Variants in PRAMEF15 observed in about 807,000 individuals in gnomAD.
PRAMEF15 encodes the protein PRAME family member 15.
Under a neutral mutation model 35.3 loss-of-function variants are expected in PRAMEF15, and 21 were observed. The ratio of observed to expected loss-of-function variants is 0.59; its 90% CI spans 0.42 to 0.86. The LOEUF (loss-of-function observed/expected upper bound fraction) is 0.86. Among genes scored for constraint, PRAMEF15 ranks in the 40% least tolerant of loss-of-function variants. The pLI, the probability that PRAMEF15 is intolerant of heterozygous loss-of-function variation, is 0.00. For missense variants in PRAMEF15, 360 were observed against 574.1 expected (o/e 0.63, Z 3.81); for synonymous variants, 122 against 223.3 (o/e 0.55, Z 4.05).
At chr1:13,316,781 T>C (rs1340674547) in intron 1 of PRAMEF15, among the ~76,000 whole-genome samples, 1 of 151,824 alleles carries the variant, frequency 6.6e-6, no homozygotes, top group African/African-American at 2.4e-5. Flanking sequence ...TTTTGATAAA[T>C]TTGATGTGGC....
At chr1:13,317,519 G>T (rs1640021992) in intron 1 of PRAMEF15, among the ~76,000 whole-genome samples, 1 of 151,996 alleles carries the variant, frequency 6.6e-6, no homozygotes, top group South Asian at 2.1e-4. Context: ...TATAATCCCA[G>T]TATGTTGGGA....
intron 3 of PRAMEF15, among the ~76,000 whole-genome samples, chr1:13,320,436 T>A (rs1247664030): frequency 6.6e-6 from 1 of 152,066 alleles, no homozygotes; most frequent in African/African-American, 2.4e-5. Context: ...TAACTTTTTT[T>A]TTCTGAGATG....
Position 13,322,057 on chromosome 1 carries a change from A to T in PRAMEF15, c.1230A>T (p.Leu410Phe), listed in dbSNP as rs1478120530. 1.6e-5 allele frequency: 25 copies of T among 1,609,908 alleles called. No individual in the cohort carries two copies. The highest frequency in any genetic ancestry group is 2.0e-5 in the Non-Finnish European group (24 of 1,179,108). ...GCCACACAATCATACTCAAAAACTT[A>T]TGTGTGGAGCTGTATCCTGCCCCCC... The part of the protein sequence containing the change: ...LLSHTIILKN[L>F]CVELYPAPRE... The change falls in exon 4 of 4, where the codon TTA becomes TTT. Residue 410 changes from leucine (L) to phenylalanine (F), a missense_variant. Coordinates refer to ENST00000376152, the MANE Select transcript of PRAMEF15 (RefSeq NM_001098376.3).
Position 13,317,067 on chromosome 1 carries a change from C to A in PRAMEF15, c.-16-1325C>A, listed in dbSNP as rs1553167168. ...CTGGGTAGAGATTAAGAAGTCTAGT[C>A]AAATGTAGCTCTCTCTGTCTCTCAG... is the stretch of plus-strand genomic sequence containing the variant. On this transcript the variant is annotated intron_variant, in intron 1 of 3. Transcript: ENST00000376152. Among the ~76,000 whole-genome samples, 435 of 149,526 alleles carry A rather than the reference C, an allele frequency of 2.9e-3. 1 individual carries two copies. Among genetic ancestry groups the A allele is most frequent in the African/African-American group, 0.01 (406 of 40,026 alleles).
chr1:13,322,128 C>T lies in PRAMEF15; in HGVS notation c.1301C>T (p.Ala434Val). Residue 434 changes from alanine (A) to valine (V), a missense_variant, in exon 4 of 4, where the codon GCT (alanine) becomes GTT (valine). Ala to Val is a moderately conservative substitution (Grantham distance 64). This residue lies in a region of PRAMEF15 where 147 missense variants were observed against 123.5 expected (regional missense o/e 1.19). Coordinates refer to ENST00000376152, the MANE Select transcript of PRAMEF15 (RefSeq NM_001098376.3). The part of the protein sequence containing the change: ...ADGTLCWSRF[A>V]QIRAELMNRV... ...GGTACTCTCTGCTGGAGCAGATTTG[C>T]TCAAATTAGGGCTGAGCTGATGAAC... 8 of 1,609,574 alleles carry T rather than the reference C, an allele frequency of 5.0e-6. No homozygotes were observed. Among genetic ancestry groups the T allele is most frequent in the Non-Finnish European group, 6.8e-6 (8 of 1,179,088 alleles).
rs1383955330 is a variant in PRAMEF15, at chr1:13,319,236, C to T, written c.294-136C>T. 6 of 1,469,992 alleles carry T rather than the reference C, an allele frequency of 4.1e-6. No homozygotes were observed. In the African/African-American group the frequency reaches 5.6e-5, roughly 14 times the overall value. The allele number at this position is 1,469,992 out of a possible 1,614,324, so 91.1% of individuals were successfully genotyped here. ...AAACAATGTGGAAGTGGGCAGGATC[C>T]AAGGGGAAAACAGAGTGAAGAAAAG... On this transcript the variant is annotated intron_variant, in intron 2 of 3. Transcript: ENST00000376152.
chr1:13,317,616 A>T (rs1640023184), intron 1 of PRAMEF15, among the ~76,000 whole-genome samples: 1 of 151,844 alleles, frequency 6.6e-6, no homozygotes, highest in African/African-American at 2.4e-5. Flanking sequence ...CAAAAAGTCA[A>T]AAAATAGAAG....
chr1:13,321,562 C>T lies in PRAMEF15; in HGVS notation c.876-141C>T, dbSNP rs1391057904. 5 of 1,431,382 alleles carry T rather than the reference C, an allele frequency of 3.5e-6. No homozygotes were observed. The African/African-American group carries it at 4.2e-5, about 12-fold the overall frequency. 88.7% of individuals were successfully genotyped at this position (1,431,382 alleles called of 1,614,324 possible). A position where few individuals can be genotyped will look rare whatever the true frequency, so the allele number is the denominator to read the frequency against. ...GCAAAGCTCTTCATCACGCATCATC[C>T]TAAGTGTTGACCATCAGGCCATCAG... On this transcript the variant is annotated intron_variant, in intron 3 of 3. Transcript: ENST00000376152.
intron 1 of PRAMEF15, among the ~76,000 whole-genome samples, chr1:13,318,093 C>A (rs1640030058): frequency 1.3e-5 from 2 of 151,866 alleles, no homozygotes; most frequent in Admixed American, 1.3e-4. Context: ...AGTAATTTCC[C>A]CCAATGGTAG....
intron 1 of PRAMEF15, among the ~76,000 whole-genome samples, chr1:13,316,760 A>C (rs2100314063): frequency 1.3e-5 from 2 of 151,888 alleles, no homozygotes; most frequent in East Asian, 3.9e-4. Flanking sequence ...AACTGTTTTA[A>C]CTCTGAAATA....
chr1:13,321,951 C>A lies in PRAMEF15; in HGVS notation c.1124C>A (p.Ala375Asp). 5 of 1,611,010 alleles carry A rather than the reference C, an allele frequency of 3.1e-6. No homozygotes were observed. The highest frequency in any genetic ancestry group is 1.1e-5 in the South Asian group (1 of 90,876). ...TCCCAAGTCAACGCCATCCTGCCTG[C>A]CCTGAGCCGCTGCTTTGAGCTCAAC... ...IDSQVNAILPALSRCFELNTF... is the reference protein window; with the variant it reads ...IDSQVNAILPDLSRCFELNTF... Residue 375 changes from alanine (A) to aspartate (D), a missense_variant, in exon 4 of 4, where the codon GCC becomes GAC. Physicochemically the swap from Ala to Asp is moderately radical, Grantham distance 126. Transcript: ENST00000376152.
intron 1 of PRAMEF15, among the ~76,000 whole-genome samples, chr1:13,318,120 G>C (rs1180776531): frequency 1.3e-5 from 2 of 151,956 alleles, no homozygotes; most frequent in African/African-American, 4.8e-5. Context: ...TTCACTTTCA[G>C]GTTCCTCCAT....
At position 13,318,389 on chromosome 1, in the gene PRAMEF15, A is replaced by C; in HGVS notation, c.-16-3A>C. On this transcript the variant is annotated splice_region_variant and splice_polypyrimidine_tract_variant and intron_variant, in intron 1 of 3. Transcript: ENST00000376152. ...CCTCTTCTCTGGGTTTGTCCTCTGGAAGTTTTCCCTGCAGATTCATGAAGA... is the reference window on the plus strand; with the variant it reads ...CCTCTTCTCTGGGTTTGTCCTCTGGCAGTTTTCCCTGCAGATTCATGAAGA... 6.2e-7 allele frequency: 1 copy of C among 1,611,416 alleles called. No homozygotes were observed. The highest frequency in any genetic ancestry group is 8.5e-7 in the Non-Finnish European group (1 of 1,179,690).
chr1:13,321,557 T>C, intron 3 of PRAMEF15, 146 bp from the exon 4 acceptor site: 1 of 1,428,214 alleles, frequency 7.0e-7, no homozygotes, highest in Non-Finnish European at 9.6e-7. Flanking sequence ...TCATCACGCA[T>C]CATCCTAAGT....
At position 13,316,214 on chromosome 1, in the gene PRAMEF15, G is replaced by T. The variant is rs1405386984; in HGVS notation, c.-17+556G>T. On this transcript the variant is annotated intron_variant, in intron 1 of 3. Transcript: ENST00000376152. ...AGGTGGGGTTTCACCACGCTGGCCA[G>T]GTTGGTCTCGAACACCTGACCTCAA... Among the ~76,000 whole-genome samples, 5 of 151,804 alleles carry T rather than the reference G, an allele frequency of 3.3e-5. No individual in the cohort carries two copies. In the East Asian group the frequency reaches 9.6e-4, roughly 29 times the overall value.
chr1:13,317,718 C>A (rs1251474521), intron 1 of PRAMEF15, among the ~76,000 whole-genome samples: 23 of 147,992 alleles, frequency 1.6e-4, no homozygotes, highest in East Asian at 8.4e-4. Context: ...CAAGGCTGCA[C>A]TGAGCTGAGA....
intron 3 of PRAMEF15, among the ~76,000 whole-genome samples, chr1:13,320,574 C>A (rs1330817857): frequency 1.3e-5 from 2 of 151,940 alleles, no homozygotes; most frequent in Non-Finnish European, 2.9e-5. Context: ...CAGGCGTGAG[C>A]CACCACACCT....
At chr1:13,316,687 G>GGGTT (rs1333886659) in intron 1 of PRAMEF15, among the ~76,000 whole-genome samples, 48 of 151,780 alleles carry the variant, frequency 3.2e-4, no homozygotes, top group African/African-American at 1.0e-3. Flanking sequence ...TGACCCAGGT[G>GGGTT]ATCATGGGTT....
chr1:13,322,119 G>A lies in PRAMEF15; in HGVS notation c.1292G>A (p.Ser431Asn), dbSNP rs879207520. ...SYGADGTLCW[S>N]RFAQIRAELM... is the part of the protein sequence containing the mutation. The stretch of plus-strand genomic sequence containing the variant: ...GGTGCTGATGGTACTCTCTGCTGGA[G>A]CAGATTTGCTCAAATTAGGGCTGAG... The change falls in exon 4 of 4, where the codon AGC (serine) becomes AAC (asparagine). Residue 431 changes from serine to asparagine, a missense_variant. Physicochemically the swap from Ser to Asn is conservative, Grantham distance 46 (BLOSUM62 1). Coordinates refer to ENST00000376152, the MANE Select transcript of PRAMEF15 (RefSeq NM_001098376.3). 7.2e-5 allele frequency: 116 copies of A among 1,609,236 alleles called. No individual in the cohort carries two copies. Among genetic ancestry groups the A allele is most frequent in the South Asian group, 1.1e-5 (1 of 90,708 alleles).
Sources: allele counts gnomAD v4.1 joint callset (sites outside exome capture counted in the v4.1 genomes callset), GRCh38; gene constraint gnomAD v4.1.1; regional missense constraint gnomAD v4.1.1; transcripts MANE v1.5; gene names NCBI Gene and HGNC (gene_info 2026-07-23, HGNC 2026-07-21).